EFNA5: variants seen among roughly 807,000 people sequenced by gnomAD.
EFNA5 encodes ephrin A5.
A neutral mutation model predicts 22.9 loss-of-function variants in EFNA5; 5 were observed. That is an observed-to-expected ratio of 0.22 (90% CI 0.11 to 0.46). The LOEUF (loss-of-function observed/expected upper bound fraction) is 0.46, where lower values mean the gene tolerates loss of function less well. EFNA5 is among the 20% of genes least tolerant of loss of function. The probability of loss-of-function intolerance (pLI) is 0.99; values close to 1 mark genes in which losing one functional copy is unlikely to be tolerated. For synonymous variants in EFNA5, 113 were observed against 112.2 expected, an observed-to-expected ratio of 1.01 and a Z score of -0.04; for missense variants, 237 against 293.3, an observed-to-expected ratio of 0.81 and a Z score of 1.40.
chr5:107,645,917 G>T (rs71575450), intron 1 of EFNA5, among the ~76,000 whole-genome samples: 1 of 152,146 alleles, frequency 6.6e-6, no homozygotes, highest in Non-Finnish European at 1.5e-5. Flanking sequence ...TTTTGCCATC[G>T]TCAATCTATC....
intron 1 of EFNA5, among the ~76,000 whole-genome samples, chr5:107,650,534 T>C (rs1240103882): frequency 2.0e-5 from 3 of 152,206 alleles, no homozygotes; most frequent in African/African-American, 7.2e-5. Context: ...TTGTTCCCTA[T>C]AGCTTAAAAA....
intron 1 of EFNA5, among the ~76,000 whole-genome samples, chr5:107,542,476 A>T (rs180729744): frequency 3.3e-5 from 5 of 152,064 alleles, no homozygotes; most frequent in Admixed American, 2.0e-4. Flanking sequence ...TAAGTTCCAT[A>T]AGTAGAGTCT....
chr5:107,626,544 C>A (rs182459792), intron 1 of EFNA5, among the ~76,000 whole-genome samples: 35 of 152,210 alleles, frequency 2.3e-4, no homozygotes, highest in Non-Finnish European at 4.7e-4. Context: ...CCTCCCAAAG[C>A]CCTGGGACTG....
intron 1 of EFNA5, among the ~76,000 whole-genome samples, chr5:107,428,754 TGA>T (rs1191920727): frequency 6.6e-6 from 1 of 152,214 alleles, no homozygotes; most frequent in Non-Finnish European, 1.5e-5. Context: ...CCAGTGGCAG[TGA>T]GATAGTTTAT....
chr5:107,401,895 A>C (rs1336020204), intron 2 of EFNA5, among the ~76,000 whole-genome samples: 3 of 152,184 alleles, frequency 2.0e-5, no homozygotes, highest in Non-Finnish European at 4.4e-5. Context: ...GATGGAGCCA[A>C]ATCTATCTGC....
chr5:107,490,382 T>C (rs944847926), intron 1 of EFNA5, among the ~76,000 whole-genome samples: 5 of 152,182 alleles, frequency 3.3e-5, no homozygotes, highest in African/African-American at 1.2e-4. Flanking sequence ...AGGTGCACGT[T>C]ACCATGCCCA....
At chr5:107,664,449 G>C (rs1751028513) in intron 1 of EFNA5, among the ~76,000 whole-genome samples, 2 of 152,086 alleles carry the variant, frequency 1.3e-5, no homozygotes, top group Admixed American at 6.5e-5. Context: ...TTAATCACAA[G>C]AAACTTTTCT....
chr5:107,433,185 T>C (rs921255273), intron 1 of EFNA5, among the ~76,000 whole-genome samples: 3 of 152,204 alleles, frequency 2.0e-5, no homozygotes, highest in Non-Finnish European at 4.4e-5. Flanking sequence ...ACCTCCCACA[T>C]TGTTCAAGGA....
intron 2 of EFNA5, among the ~76,000 whole-genome samples, chr5:107,425,770 T>C (rs1290388647): frequency 6.6e-6 from 1 of 152,242 alleles, no homozygotes; most frequent in Non-Finnish European, 1.5e-5. Flanking sequence ...TGGTGAAATC[T>C]GACTTATTAT....
Position 107,400,900 on chromosome 5 carries a change from C to T in EFNA5, c.419-13129G>A, listed in dbSNP as rs190201613. 9.1e-4 allele frequency among the ~76,000 whole-genome samples: 139 copies of T among 152,284 alleles called. 1 individual carries two copies. Among genetic ancestry groups the T allele is most frequent in the African/African-American group, 3.1e-3 (128 of 41,564 alleles). On this transcript the variant is annotated intron_variant, in intron 2 of 4. Transcript: ENST00000333274. Reference sequence around the variant, plus strand: ...TTGCCTACTTTATTACTGCTGCAAGCTTATTGAGAGATTTGTTTACTATTT... The same window carrying T: ...TTGCCTACTTTATTACTGCTGCAAGTTTATTGAGAGATTTGTTTACTATTT...
intron 1 of EFNA5, among the ~76,000 whole-genome samples, chr5:107,507,826 C>A (rs1747282239): frequency 6.6e-6 from 1 of 152,112 alleles, no homozygotes; most frequent in African/African-American, 2.4e-5. Context: ...TTTTTAATTT[C>A]TTGGTAAAAA....
intron 1 of EFNA5, among the ~76,000 whole-genome samples, chr5:107,602,930 C>T (rs1055555532): frequency 1.7e-4 from 26 of 152,270 alleles, no homozygotes; most frequent in Non-Finnish European, 3.2e-4. Context: ...AGGCAGGAGA[C>T]GTAGCCATCT....
chr5:107,480,573 G>C (rs1035826393), intron 1 of EFNA5, among the ~76,000 whole-genome samples: 1 of 152,188 alleles, frequency 6.6e-6, no homozygotes, highest in African/African-American at 2.4e-5. Flanking sequence ...CTGTCCTCAG[G>C]AGCATTCTAG....
intron 2 of EFNA5, among the ~76,000 whole-genome samples, chr5:107,407,539 A>C (rs1748256320): frequency 6.6e-6 from 1 of 152,222 alleles, no homozygotes; most frequent in Non-Finnish European, 1.5e-5. Context: ...AGGGACACTT[A>C]TCAAAAGAAA....
At chr5:107,442,260 T>A (rs147530531) in intron 1 of EFNA5, among the ~76,000 whole-genome samples, 9 of 152,150 alleles carry the variant, frequency 5.9e-5, no homozygotes, top group Non-Finnish European at 1.2e-4. Context: ...AGAGATATAC[T>A]AGTAAAATAA....
At chr5:107,508,177 G>C (rs1311639052) in intron 1 of EFNA5, among the ~76,000 whole-genome samples, 1 of 152,188 alleles carries the variant, frequency 6.6e-6, no homozygotes, top group Non-Finnish European at 1.5e-5. Flanking sequence ...TAAACTTGCA[G>C]TTTATCCTTC....
At chr5:107,550,441 A>C (rs549806493) in intron 1 of EFNA5, among the ~76,000 whole-genome samples, 2 of 152,254 alleles carry the variant, frequency 1.3e-5, no homozygotes, top group East Asian at 1.9e-4. Flanking sequence ...TGTAGAGGAG[A>C]ATGATTATGC....
intron 2 of EFNA5, among the ~76,000 whole-genome samples, chr5:107,425,751 T>C (rs1748794436): frequency 6.6e-6 from 1 of 152,222 alleles, no homozygotes; most frequent in African/African-American, 2.4e-5. Flanking sequence ...GTGACAGTTA[T>C]CATTGTGATG....
chr5:107,382,870 C>A (rs977200283), intron 4 of EFNA5, among the ~76,000 whole-genome samples: 1 of 152,146 alleles, frequency 6.6e-6, no homozygotes, highest in African/African-American at 2.4e-5. Context: ...AAAGGATAAT[C>A]CCTAAATACC....
Sources: gnomAD v4.1 joint callset for allele counts (sites outside exome capture counted in the v4.1 genomes callset) on GRCh38, gnomAD v4.1.1 for gene constraint, MANE v1.5 for transcripts, NCBI Gene and HGNC (gene_info 2026-07-23, HGNC 2026-07-21) for gene names.